CCDC69: variants seen among roughly 807,000 people sequenced by gnomAD.
CCDC69 encodes the protein coiled-coil domain containing 69.
CCDC69 carries 38 observed loss-of-function variants against 40.3 expected under a neutral mutation model. The ratio of observed to expected loss-of-function variants is 0.94; its 90% CI spans 0.73 to 1.24. The LOEUF is 1.24. Among genes scored for constraint, CCDC69 ranks in the 50% most tolerant of loss-of-function variants. The pLI, the probability that CCDC69 is intolerant of heterozygous loss-of-function variation, is 0.00. For synonymous variants in CCDC69, 141 were observed against 138.9 expected (o/e 1.02, Z -0.11); for missense variants, 389 against 357.9 (o/e 1.09, Z -0.70).
At chr5:151,190,984 G>A (rs1198730911) in intron 4 of CCDC69, among the ~76,000 whole-genome samples, 1 of 151,878 alleles carries the variant, frequency 6.6e-6, no homozygotes, top group African/African-American at 2.4e-5. Flanking sequence ...GTCAGAATGG[G>A]TTTTTAAAAA....
rs1017303684 is a variant in CCDC69 at position 151,181,651 on chromosome 5, A to C, written c.*1786T>G. The stretch of plus-strand genomic sequence containing the variant: ...TTAGCTCCCTTCTTGTAAGTTTGCC[A>C]CACACATTGGCATATTAAAGGTTCT... On this transcript the variant is annotated 3_prime_UTR_variant, in exon 9 of 9. Transcript: ENST00000355417. 1.6e-4 allele frequency: 25 copies of C among 152,254 alleles called. No homozygotes were observed. The highest frequency in any genetic ancestry group is 6.0e-4 in the African/African-American group (25 of 41,460). The allele number at this position is 152,254 out of a possible 1,614,324, so 9.4% of individuals were successfully genotyped here. A position where few individuals can be genotyped will look rare whatever the true frequency, so the allele number is the denominator to read the frequency against.
chr5:151,206,800 TC>T (rs1216321527), intron 1 of CCDC69, among the ~76,000 whole-genome samples: 1 of 151,748 alleles, frequency 6.6e-6, no homozygotes, highest in Non-Finnish European at 1.5e-5. Flanking sequence ...CCGGCTAATT[TC>T]TTGTATTTTT....
chr5:151,196,716 A>G (rs1313670452), intron 4 of CCDC69, among the ~76,000 whole-genome samples: 1 of 152,238 alleles, frequency 6.6e-6, no homozygotes, highest in East Asian at 1.9e-4. Context: ...GGTGTTGCAG[A>G]AAATAACAAG....
At chr5:151,188,778 A>G (rs367695592) in intron 4 of CCDC69, among the ~76,000 whole-genome samples, 1 of 152,164 alleles carries the variant, frequency 6.6e-6, no homozygotes, top group African/African-American at 2.4e-5. Context: ...TTGCCTATCA[A>G]GACAGGTTCT....
intron 4 of CCDC69, among the ~76,000 whole-genome samples, chr5:151,197,868 C>A (rs1405740938): frequency 6.6e-6 from 1 of 152,092 alleles, no homozygotes; most frequent in Non-Finnish European, 1.5e-5. Flanking sequence ...AACAAGGGTG[C>A]ATATTGGAAT....
At chr5:151,203,757 A>C (rs1752810871) in intron 2 of CCDC69, among the ~76,000 whole-genome samples, 1 of 138,090 alleles carries the variant, frequency 7.2e-6, no homozygotes, top group East Asian at 2.0e-4. Flanking sequence ...TACTAATAAA[A>C]TCTATATAGT....
At chr5:151,210,556 A>C (rs181604277) in intron 1 of CCDC69, 76 of 152,264 alleles carry the variant, frequency 5.0e-4, no homozygotes, top group African/African-American at 1.7e-3. Context: ...AAAATAAAAA[A>C]TTAAAATTAA....
chr5:151,209,745 A>G (rs1380531937), intron 1 of CCDC69, among the ~76,000 whole-genome samples: 1 of 152,004 alleles, frequency 6.6e-6, no homozygotes, highest in Non-Finnish European at 1.5e-5. Context: ...ACACCTGGCT[A>G]ATTTTTGTAT....
intron 3 of CCDC69, among the ~76,000 whole-genome samples, chr5:151,199,999 C>T (rs1202135000): frequency 6.6e-6 from 1 of 152,182 alleles, no homozygotes; most frequent in Non-Finnish European, 1.5e-5. Flanking sequence ...CTCCCTGTAC[C>T]CCTGGCAGTG....
intron 4 of CCDC69, among the ~76,000 whole-genome samples, chr5:151,195,561 A>G (rs1356171282): frequency 6.6e-6 from 1 of 151,990 alleles, no homozygotes; most frequent in Non-Finnish European, 1.5e-5. Context: ...TCTACTAAAA[A>G]TACAAAAATT....
chr5:151,196,336 T>C (rs1752699339), intron 4 of CCDC69, among the ~76,000 whole-genome samples: 1 of 152,110 alleles, frequency 6.6e-6, no homozygotes. Context: ...AATTTTATTT[T>C]TTAGTAGAGA....
intron 1 of CCDC69, among the ~76,000 whole-genome samples, chr5:151,208,441 C>T (rs1421805498): frequency 6.6e-6 from 1 of 152,232 alleles, no homozygotes; most frequent in African/African-American, 2.4e-5. Flanking sequence ...TGGTGCTGGG[C>T]ACAGAGCCTG....
At chr5:151,213,751 C>A (rs748591607) in intron 1 of CCDC69, among the ~76,000 whole-genome samples, 2 of 152,210 alleles carry the variant, frequency 1.3e-5, no homozygotes, top group Non-Finnish European at 2.9e-5. Flanking sequence ...TGTTTGTCAG[C>A]CTTCAAGGCT....
At chr5:151,205,905 A>G (rs1752847717) in intron 1 of CCDC69, among the ~76,000 whole-genome samples, 1 of 152,100 alleles carries the variant, frequency 6.6e-6, no homozygotes, top group South Asian at 2.1e-4. Flanking sequence ...AGAAAACTCA[A>G]ACCATTTTTT....
chr5:151,195,590 G>A (rs986686596), intron 4 of CCDC69, among the ~76,000 whole-genome samples: 2 of 151,618 alleles, frequency 1.3e-5, no homozygotes, highest in African/African-American at 2.4e-5. Flanking sequence ...GTGGTTGCAG[G>A]TGCCTGTAAT....
At chr5:151,191,127 C>T (rs1028268342) in intron 4 of CCDC69, among the ~76,000 whole-genome samples, 9 of 150,692 alleles carry the variant, frequency 6.0e-5, no homozygotes, top group Non-Finnish European at 1.0e-4. Flanking sequence ...CAACTAACTA[C>T]GTGCTATTTA....
intron 4 of CCDC69, among the ~76,000 whole-genome samples, chr5:151,189,316 G>T (rs540987776): frequency 6.6e-6 from 1 of 152,024 alleles, no homozygotes; most frequent in South Asian, 2.1e-4. Flanking sequence ...GGAAATTTTA[G>T]AACTAAAAAG....
At chr5:151,198,193 C>CT (rs930492519) in intron 4 of CCDC69, among the ~76,000 whole-genome samples, 2 of 152,040 alleles carry the variant, frequency 1.3e-5, no homozygotes, top group Non-Finnish European at 2.9e-5. Flanking sequence ...TACAAACAAC[C>CT]TATTAGGGAG....
In CCDC69 at chr5:151,186,046, G is replaced by A. The variant is rs371784207; in HGVS notation, c.472C>T (p.Arg158Ter). Residue 158 changes from arginine to a stop codon, truncating the protein, a stop_gained, in exon 6 of 9, where the codon CGA becomes TGA. Transcript: ENST00000355417. LOFTEE classifies it high-confidence loss of function. ...ACCTGGATATGTTTCTTATAGTTTC[G>A]GCTCAGAATGGACTCCTCCACCCTC... ...MKRVEESILS[R>*]NYKKHIQDYG... 1.7e-5 allele frequency: 27 copies of A among 1,613,774 alleles called. No individual in the cohort carries two copies. Among genetic ancestry groups the A allele is most frequent in the African/African-American group, 9.3e-5 (7 of 74,970 alleles).
Sources: gnomAD v4.1 joint callset for allele counts (sites outside exome capture counted in the v4.1 genomes callset) on GRCh38, gnomAD v4.1.1 for gene constraint, MANE v1.5 for transcripts, NCBI Gene and HGNC (gene_info 2026-07-23, HGNC 2026-07-21) for gene names.